The following WDR7 variants were observed in gnomAD, a reference collection of about 807,000 sequenced individuals.
WDR7 encodes the protein WD repeat domain 7.
A neutral mutation model predicts 169.4 loss-of-function variants in WDR7; 46 were observed. The ratio of observed to expected loss-of-function variants is 0.27; its 90% CI spans 0.21 to 0.35. WDR7 has a LOEUF of 0.35. Ranked by LOEUF, WDR7 falls within the 10% of genes least tolerant of loss-of-function variation. The pLI is 1.00. For missense variants in WDR7, 1,534 were observed against 1,859.3 expected (o/e 0.83, Z 3.22); for synonymous variants, 612 against 666.8 (o/e 0.92, Z 1.27).
chr18:56,921,159 A>G (rs537815549), intron 21 of WDR7, among the ~76,000 whole-genome samples: 2 of 152,342 alleles, frequency 1.3e-5, no homozygotes, highest in African/African-American at 4.8e-5. Flanking sequence ...CTAGAAATCA[A>G]AAGGTTTAAC....
downstream of WDR7, chr18:57,032,969 G>A (rs1277830807): frequency 6.6e-6 from 1 of 151,622 alleles, no homozygotes; most frequent in Non-Finnish European, 1.5e-5. Flanking sequence ...GTTGGGAAAT[G>A]ATGCTCTAAA....
intron 12 of WDR7, among the ~76,000 whole-genome samples, chr18:56,717,563 A>G (rs1192790647): frequency 1.3e-5 from 2 of 152,240 alleles, no homozygotes; most frequent in Non-Finnish European, 2.9e-5. Context: ...AAAGAGTCAC[A>G]GACAGAAAGA....
At chr18:56,837,315 T>C (rs1426892630) in intron 20 of WDR7, among the ~76,000 whole-genome samples, 1 of 152,214 alleles carries the variant, frequency 6.6e-6, no homozygotes, top group Non-Finnish European at 1.5e-5. Context: ...AGTGTATTGA[T>C]TAGCAATGGC....
chr18:56,787,030 T>C (rs1599042924), intron 19 of WDR7, among the ~76,000 whole-genome samples: 1 of 152,310 alleles, frequency 6.6e-6, no homozygotes, highest in Non-Finnish European at 1.5e-5. Flanking sequence ...ATAAATATTA[T>C]GAGTTGTCTC....
At position 56,731,465 on chromosome 18, in the gene WDR7, T is replaced by A. The variant is rs1177926545; in HGVS notation, c.1857T>A (p.Asp619Glu). ...ATGAAGCTGTTCCTGCTGCTGTTGATTCACTTAGTCATCCAGCAGTCAACC... is the reference window on the plus strand; with the variant it reads ...ATGAAGCTGTTCCTGCTGCTGTTGAATCACTTAGTCATCCAGCAGTCAACC... ...ACDEAVPAAV[D>E]SLSHPAVNLK... The change falls in exon 14 of 28, where the codon GAT (aspartate) becomes GAA (glutamate). Residue 619 changes from aspartate (D) to glutamate (E), a missense_variant. By Grantham distance (45) the Asp-to-Glu change is conservative (BLOSUM62 2). Transcript: ENST00000254442. 1.2e-6 allele frequency: 2 copies of A among 1,614,208 alleles called. No individual in the cohort carries two copies. Among genetic ancestry groups the A allele is most frequent in the East Asian group, 4.5e-5 (2 of 44,876 alleles).
At chr18:56,820,312 T>A (rs956409795) in intron 20 of WDR7, among the ~76,000 whole-genome samples, 20 of 75,604 alleles carry the variant, frequency 2.6e-4, no homozygotes, top group African/African-American at 9.7e-4. Context: ...AAAACGATGA[T>A]AAAGGGTCAA....
chr18:56,810,263 C>T (rs118013173), intron 19 of WDR7, among the ~76,000 whole-genome samples: 4 of 152,212 alleles, frequency 2.6e-5, no homozygotes, highest in Non-Finnish European at 5.9e-5. Flanking sequence ...TTTAAATGAG[C>T]TGTGCCATTT....
chr18:56,788,088 A>G (rs1049241064), intron 19 of WDR7, among the ~76,000 whole-genome samples: 7 of 152,112 alleles, frequency 4.6e-5, no homozygotes, highest in Admixed American at 1.3e-4. Flanking sequence ...TTTCTAGATG[A>G]CTAAGGGTTT....
At chr18:56,917,264 A>G (rs1180773820) in intron 21 of WDR7, among the ~76,000 whole-genome samples, 1 of 152,150 alleles carries the variant, frequency 6.6e-6, no homozygotes, top group African/African-American at 2.4e-5. Flanking sequence ...TCCTACTATC[A>G]GGTGTAGTCC....
In WDR7 at chr18:56,776,805, C is replaced by A. The variant is rs777120067; in HGVS notation, c.2872C>A (p.Arg958=). The part of the protein sequence containing the change: ...KQVAAPVVSA[R]SDADHSGSDP... ...AGTTGCTGCACCTGTCGTTTCCGCT[C>A]GGTCTGATGCTGATCACTCTGGCTC... The change falls in exon 17 of 28, where the codon CGG becomes AGG. Residue 958 remains arginine, a synonymous_variant. Coordinates refer to ENST00000254442, the MANE Select transcript of WDR7 (RefSeq NM_015285.3). 8.1e-6 allele frequency: 13 copies of A among 1,613,768 alleles called. No individual in the cohort carries two copies. Among genetic ancestry groups the A allele is most frequent in the East Asian group, 2.2e-5 (1 of 44,880 alleles).
intron 27 of WDR7, among the ~76,000 whole-genome samples, chr18:57,023,112 T>C (rs2048313337): frequency 6.6e-6 from 1 of 152,234 alleles, no homozygotes; most frequent in Admixed American, 6.5e-5. Context: ...TAATGGAAGA[T>C]ACAAAAACAA....
rs552126608 is a variant in WDR7 at position 56,999,309 on chromosome 18, A to G, written c.4165-21436A>G. On this transcript the variant is annotated intron_variant, in intron 26 of 27. Coordinates refer to ENST00000254442, the MANE Select transcript of WDR7 (RefSeq NM_015285.3). Reference sequence around the variant, plus strand: ...TTTGGGGGAATGTTTTTGAATACAGAAATATAGAAAAGTTAAATTTGTTAG... The same window carrying G: ...TTTGGGGGAATGTTTTTGAATACAGGAATATAGAAAAGTTAAATTTGTTAG... Among the ~76,000 whole-genome samples the G allele has an allele frequency of 3.3e-5, 5 of 152,298 alleles. No homozygotes were observed. The South Asian group carries it at 1.0e-3, about 32-fold the overall frequency.
At chr18:57,005,132 C>T (rs1181132626) in intron 26 of WDR7, among the ~76,000 whole-genome samples, 1 of 152,112 alleles carries the variant, frequency 6.6e-6, no homozygotes, top group African/African-American at 2.4e-5. Flanking sequence ...TATCTAACCA[C>T]TAATCTCAAT....
intron 16 of WDR7, among the ~76,000 whole-genome samples, chr18:56,760,382 A>C (rs751355514): frequency 6.6e-6 from 1 of 152,102 alleles, no homozygotes; most frequent in Non-Finnish European, 1.5e-5. Flanking sequence ...CCTAAGTTTA[A>C]ATTTCTAAAC....
chr18:56,739,985 C>T (rs2043591466), intron 14 of WDR7, among the ~76,000 whole-genome samples: 2 of 149,634 alleles, frequency 1.3e-5, no homozygotes, highest in African/African-American at 2.5e-5. Context: ...ATTATCTTTT[C>T]AGATGCTATT....
chr18:56,895,661 A>G (rs2046322950), intron 21 of WDR7, among the ~76,000 whole-genome samples: 1 of 151,920 alleles, frequency 6.6e-6, no homozygotes, highest in South Asian at 2.1e-4. Context: ...GTATGACTGT[A>G]TCAAAACATC....
At chr18:56,848,097 C>T (rs770835772) in intron 20 of WDR7, among the ~76,000 whole-genome samples, 1 of 152,176 alleles carries the variant, frequency 6.6e-6, no homozygotes, top group Non-Finnish European at 1.5e-5. Context: ...CTCCAACCTG[C>T]GAGAGTAGCC....
intron 27 of WDR7, among the ~76,000 whole-genome samples, chr18:57,024,554 A>AACTAT (rs1568318978): frequency 2.1e-4 from 8 of 37,982 alleles, no homozygotes; most frequent in African/African-American, 7.5e-4. Context: ...GGGATATGTG[A>AACTAT]GCTATGATAG....
intron 19 of WDR7, among the ~76,000 whole-genome samples, chr18:56,800,631 G>T (rs2044656561): frequency 6.6e-6 from 1 of 152,172 alleles, no homozygotes; most frequent in African/African-American, 2.4e-5. Context: ...CCCAGCGCCA[G>T]ACCCTCAGCA....
Sources: gnomAD v4.1 joint callset for allele counts (sites outside exome capture counted in the v4.1 genomes callset) on GRCh38, gnomAD v4.1.1 for gene constraint, MANE v1.5 for transcripts, NCBI Gene and HGNC (gene_info 2026-07-23, HGNC 2026-07-21) for gene names.